The following ARHGEF38 variants were observed in gnomAD, a reference collection of about 807,000 sequenced individuals.
ARHGEF38 encodes Rho guanine nucleotide exchange factor (GEF) 38.
In ARHGEF38, 79 loss-of-function variants were observed where a neutral mutation model predicts 79.9. The ratio of observed to expected loss-of-function variants is 0.99; its 90% CI spans 0.82 to 1.19. The LOEUF is 1.19. Ranked by LOEUF, ARHGEF38 falls within the 50% of genes most tolerant of loss-of-function variation. The probability of loss-of-function intolerance (pLI) is 0.00; values close to 1 mark genes in which losing one functional copy is unlikely to be tolerated. For missense variants in ARHGEF38, 962 were observed against 907.2 expected, an observed-to-expected ratio of 1.06 and a Z score of -0.78; for synonymous variants, 366 against 328.3, an observed-to-expected ratio of 1.11 and a Z score of -1.24.
chr4:105,678,048 A>T lies in ARHGEF38; in HGVS notation c.*111A>T. 1 of 871,484 alleles carries T rather than the reference A, an allele frequency of 1.1e-6. No individual in the cohort carries two copies. Among genetic ancestry groups the T allele is most frequent in the Non-Finnish European group, 1.7e-6 (1 of 596,358 alleles). The allele number at this position is 871,484 out of a possible 1,614,324, so 54.0% of individuals were successfully genotyped here. On this transcript the variant is annotated 3_prime_UTR_variant, in exon 14 of 14. Transcript: ENST00000420470. The stretch of plus-strand genomic sequence containing the variant: ...AGCAAGAAACCTCTGAACTACAGAA[A>T]CTGATACTGTACTGGGTTTTCAGGA...
intron 1 of ARHGEF38, among the ~76,000 whole-genome samples, chr4:105,569,012 T>C (rs1377399823): frequency 6.6e-6 from 1 of 152,194 alleles, no homozygotes; most frequent in Non-Finnish European, 1.5e-5. Flanking sequence ...TAAGAAAATC[T>C]AAATTCAGGA....
intron 3 of ARHGEF38, among the ~76,000 whole-genome samples, chr4:105,617,995 G>A (rs996829030): frequency 3.3e-5 from 5 of 152,086 alleles, no homozygotes; most frequent in Non-Finnish European, 5.9e-5. Flanking sequence ...AACTTACTTG[G>A]TGAGTTTTAT....
intron 2 of ARHGEF38, among the ~76,000 whole-genome samples, chr4:105,605,402 A>C (rs1727996549): frequency 6.6e-6 from 1 of 151,932 alleles, no homozygotes; most frequent in Non-Finnish European, 1.5e-5. Flanking sequence ...CCTCACACAC[A>C]TGCTGAGATT....
Position 105,623,812 on chromosome 4 carries a change from G to A in ARHGEF38, c.509-7086G>A, listed in dbSNP as rs201932932. Among the ~76,000 whole-genome samples, 4 of 152,004 alleles carry A rather than the reference G, an allele frequency of 2.6e-5. No homozygotes were observed. The East Asian group carries it at 7.7e-4, about 29-fold the overall frequency. ...AGGGACTCTAGCTCTTCCAAATATA[G>A]GCCAGAGCTTTTTCCTCTCCAAACA... On this transcript the variant is annotated intron_variant, in intron 3 of 13. Transcript: ENST00000420470.
chr4:105,609,117 C>T (rs547863437), intron 2 of ARHGEF38, among the ~76,000 whole-genome samples: 17 of 152,036 alleles, frequency 1.1e-4, no homozygotes, highest in South Asian at 1.0e-3. Context: ...CCTGTGTTTT[C>T]TTCTGGTAAC....
At chr4:105,666,988 C>G (rs901076870) in intron 11 of ARHGEF38, 141 bp from the exon 12 acceptor site, 1 of 737,736 alleles carries the variant, frequency 1.4e-6, no homozygotes, top group Non-Finnish European at 2.1e-6. Context: ...ATAGCCTGCT[C>G]TATGCCTGCA....
chr4:105,573,609 T>C lies in ARHGEF38; in HGVS notation c.197-15639T>C, dbSNP rs1413153692. On this transcript the variant is annotated intron_variant, in intron 1 of 13. Coordinates refer to ENST00000420470, the MANE Select transcript of ARHGEF38 (RefSeq NM_001242729.2). Reference sequence around the variant, plus strand: ...GTATTTATGCCAGTACCACAATATGTTGATTTCCTGTAACTTTGTAGTAAG... The same window carrying C: ...GTATTTATGCCAGTACCACAATATGCTGATTTCCTGTAACTTTGTAGTAAG... Among the ~76,000 whole-genome samples, 3 of 152,340 alleles carry C rather than the reference T, an allele frequency of 2.0e-5. No individual in the cohort carries two copies. The East Asian group carries it at 5.8e-4, about 29-fold the overall frequency.
chr4:105,677,613 C>A, intron 13 of ARHGEF38, 139 bp from the exon 14 acceptor site: 2 of 617,634 alleles, frequency 3.2e-6, no homozygotes, highest in Non-Finnish European at 5.0e-6. Flanking sequence ...AAAATACATC[C>A]AATAGAAGGA....
intron 1 of ARHGEF38, among the ~76,000 whole-genome samples, chr4:105,558,800 A>C (rs1237019723): frequency 6.7e-6 from 1 of 148,552 alleles, no homozygotes; most frequent in Non-Finnish European, 1.5e-5. Context: ...AGTAGCAAAC[A>C]CAATTTCTAG....
intron 10 of ARHGEF38, among the ~76,000 whole-genome samples, chr4:105,659,849 T>TTGTGTGTG (rs59465723): frequency 0.024 from 3,169 of 133,202 alleles, 128 homozygotes; most frequent in African/African-American, 0.088. Flanking sequence ...AAGCCTGGTT[T>TTGTGTGTG]TGTGTGTGTG....
chr4:105,599,481 A>T (rs574002022), intron 2 of ARHGEF38, among the ~76,000 whole-genome samples: 1 of 152,294 alleles, frequency 6.6e-6, no homozygotes, highest in East Asian at 1.9e-4. Context: ...GGGCAAGATG[A>T]TCTTGTGCTC....
chr4:105,667,164 C>A lies in ARHGEF38; in HGVS notation c.1725C>A (p.Ser575=). 1 of 1,535,170 alleles carries A rather than the reference C, an allele frequency of 6.5e-7. No individual in the cohort carries two copies. Among genetic ancestry groups the A allele is most frequent in the Non-Finnish European group, 8.7e-7 (1 of 1,146,412 alleles). ...EMPHQTDIHR[S]KLLSTYSAEE... ...CACATCAAACTGACATTCATCGCTC[C>A]AAACTTCTATCCACATATAGTGCAG... is the stretch of plus-strand genomic sequence containing the variant. Residue 575 remains serine (S), a synonymous_variant, in exon 12 of 14, where the codon TCC becomes TCA. Coordinates refer to ENST00000420470, the MANE Select transcript of ARHGEF38 (RefSeq NM_001242729.2).
At chr4:105,561,001 G>A (rs941273201) in intron 1 of ARHGEF38, among the ~76,000 whole-genome samples, 4 of 152,112 alleles carry the variant, frequency 2.6e-5, no homozygotes, top group Admixed American at 1.3e-4. Flanking sequence ...ATAAAAACAA[G>A]CAATTTACTA....
intron 13 of ARHGEF38, among the ~76,000 whole-genome samples, chr4:105,670,254 T>A (rs1238771055): frequency 6.6e-6 from 1 of 152,196 alleles, no homozygotes; most frequent in Non-Finnish European, 1.5e-5. Flanking sequence ...ACCAGCAAAG[T>A]GTGAGGTTTA....
intron 1 of ARHGEF38, among the ~76,000 whole-genome samples, chr4:105,554,871 C>A (rs1725180253): frequency 6.6e-6 from 1 of 151,984 alleles, no homozygotes; most frequent in Admixed American, 6.6e-5. Flanking sequence ...TTTTTCAATT[C>A]TTTTTTGTCC....
At chr4:105,634,697 TAGAA>T (rs1288947206) in intron 4 of ARHGEF38, among the ~76,000 whole-genome samples, 1 of 146,930 alleles carries the variant, frequency 6.8e-6, no homozygotes, top group Non-Finnish European at 1.5e-5. Context: ...TATTTTGTAA[TAGAA>T]AGAGAATGAA....
At chr4:105,638,927 T>C (rs1489962203) in intron 5 of ARHGEF38, among the ~76,000 whole-genome samples, 3 of 152,080 alleles carry the variant, frequency 2.0e-5, no homozygotes, top group African/African-American at 7.2e-5. Flanking sequence ...TACAATAATT[T>C]GATTTTTTGG....
chr4:105,627,495 G>A (rs1728995800), intron 3 of ARHGEF38, among the ~76,000 whole-genome samples: 2 of 152,146 alleles, frequency 1.3e-5, no homozygotes, highest in Non-Finnish European at 2.9e-5. Flanking sequence ...AATATTTTGG[G>A]AAGTTATTTT....
At position 105,565,605 on chromosome 4, in the gene ARHGEF38, G is replaced by C. The variant is rs937268724; in HGVS notation, c.196+12644G>C. 2.6e-5 allele frequency among the ~76,000 whole-genome samples: 4 copies of C among 152,124 alleles called. No homozygotes were observed. In the East Asian group the frequency reaches 7.7e-4, roughly 29 times the overall value. Reference sequence around the variant, plus strand: ...GCACTATACGGGTAGAAAGGGAATCGGACTGATAGAGGCAGGGAGGGAGTG... The same window carrying C: ...GCACTATACGGGTAGAAAGGGAATCCGACTGATAGAGGCAGGGAGGGAGTG... On this transcript the variant is annotated intron_variant, in intron 1 of 13. Coordinates refer to ENST00000420470, the MANE Select transcript of ARHGEF38 (RefSeq NM_001242729.2).
Sources: allele counts gnomAD v4.1 joint callset (sites outside exome capture counted in the v4.1 genomes callset), GRCh38; gene constraint gnomAD v4.1.1; transcripts MANE v1.5; gene names NCBI Gene and HGNC (gene_info 2026-07-23, HGNC 2026-07-21).